Variants in SHPRH observed in about 807,000 individuals in gnomAD.
The protein encoded by SHPRH is E3 ubiquitin-protein ligase SHPRH.
In SHPRH, 106 loss-of-function variants were observed where a neutral mutation model predicts 202.5. The ratio of observed to expected loss-of-function variants is 0.52; its 90% CI spans 0.45 to 0.62. SHPRH has a LOEUF of 0.62. SHPRH is among the 20% of genes least tolerant of loss of function. SHPRH has a pLI of 0.00. For missense variants in SHPRH, 1,710 were observed against 2,020.0 expected (o/e 0.85, Z 2.94); for synonymous variants, 729 against 686.0 (o/e 1.06, Z -0.98).
At position 145,933,176 on chromosome 6, in the gene SHPRH, G is replaced by A. The variant is rs1313681869; in HGVS notation, c.2993C>T (p.Thr998Ile). The A allele has an allele frequency of 6.2e-7, 1 of 1,613,788 alleles. No homozygotes were observed. The highest frequency in any genetic ancestry group is 8.5e-7 in the Non-Finnish European group (1 of 1,179,872). The change falls in exon 14 of 30, where the codon ACC (threonine) becomes ATC (isoleucine). Residue 998 changes from threonine (T) to isoleucine (I), a missense_variant and splice_region_variant. Physicochemically the swap from Thr to Ile is moderately conservative, Grantham distance 89 (BLOSUM62 -1). This residue lies in a region of SHPRH where 23 missense variants were observed against 36.7 expected (regional missense o/e 0.63). Transcript: ENST00000275233. ...RGEFLPLQKSTMTMEELLTSL... is the reference protein window; with the variant it reads ...RGEFLPLQKSIMTMEELLTSL... ...TGTCAGCAGCTCTTCCATTGTCATG[G>A]TGCTAAAAGAAAAGGTAGACTGTTC...
chr6:145,927,146 AAAAC>A (rs756751658), intron 15 of SHPRH, 39 bp downstream of exon 15: 5 of 1,563,472 alleles, frequency 3.2e-6, no homozygotes, highest in Admixed American at 1.7e-5. Flanking sequence ...TTTTGTTAAA[AAAAC>A]AAACAGAATA....
intron 3 of SHPRH, chr6:145,951,900 C>T (rs1298624201): frequency 2.2e-6 from 1 of 455,852 alleles, no homozygotes; most frequent in Admixed American, 2.3e-5. Context: ...TCTGAATCTG[C>T]AGTCCTGACC....
intron 2 of SHPRH, among the ~76,000 whole-genome samples, chr6:145,867,816 C>T (rs1331542896): frequency 6.6e-6 from 1 of 151,626 alleles, no homozygotes; most frequent in African/African-American, 2.4e-5. Context: ...TTTCTGCTCT[C>T]CAGAACTGAG....
In SHPRH at chr6:145,894,926, G is replaced by A; in HGVS notation, c.4567C>T (p.Gln1523Ter). ...GCTTTGGCCCCTGGATCTCTAAGCT[G>A]TATTTTCATCAGAGTTCTGACCACA... is the stretch of plus-strand genomic sequence containing the variant. ...EAVVRTLMKI[Q>*]LRDPGAKALV... The change falls in exon 26 of 30, where the codon CAG becomes TAG. Residue 1523 changes from glutamine to a stop codon, truncating the protein, a stop_gained. Coordinates refer to ENST00000275233, the MANE Select transcript of SHPRH (RefSeq NM_001042683.3). LOFTEE classifies it high-confidence loss of function. 2 of 1,612,996 alleles carry A rather than the reference G, an allele frequency of 1.2e-6. No homozygotes were observed. Among genetic ancestry groups the A allele is most frequent in the Non-Finnish European group, 1.7e-6 (2 of 1,179,292 alleles).
intron 1 of SHPRH, among the ~76,000 whole-genome samples, chr6:145,962,394 TTACTC>T (rs1789181775): frequency 6.6e-6 from 1 of 152,214 alleles, no homozygotes. Context: ...TAACGATACT[TTACTC>T]TTATTTCTTT....
downstream of SHPRH, chr6:145,862,518 G>C (rs1220288518): frequency 6.5e-6 from 1 of 153,400 alleles, no homozygotes; most frequent in East Asian, 1.9e-4. Flanking sequence ...AACTTTTGGA[G>C]GTGTTGGTTA....
intron 1 of SHPRH, among the ~76,000 whole-genome samples, chr6:145,961,605 G>A (rs1283546593): frequency 6.6e-6 from 1 of 152,168 alleles, no homozygotes; most frequent in Admixed American, 6.5e-5. Flanking sequence ...AACCTATCCA[G>A]TATCTTTTAA....
intron 18 of SHPRH, 112 bp from the exon 19 acceptor site, chr6:145,922,948 T>TG (rs1784551686): frequency 1.6e-6 from 2 of 1,256,610 alleles, no homozygotes; most frequent in South Asian, 1.9e-5. Context: ...GTTTGCTGTT[T>TG]TTTTTTTTTT....
intron 23 of SHPRH, among the ~76,000 whole-genome samples, chr6:145,914,588 A>C (rs542549164): frequency 1.3e-5 from 2 of 152,262 alleles, no homozygotes; most frequent in African/African-American, 4.8e-5. Context: ...AGCGGGCTGA[A>C]TTTTTCCCAT....
intron 14 of SHPRH, among the ~76,000 whole-genome samples, chr6:145,930,853 T>A (rs547633316): frequency 1.3e-5 from 2 of 152,228 alleles, no homozygotes; most frequent in Non-Finnish European, 2.9e-5. Context: ...TTTCTCGTTA[T>A]AATTCTATCA....
chr6:145,943,855 T>C lies in SHPRH; in HGVS notation c.1579-53A>G, dbSNP rs1284437674. 22 of 1,460,462 alleles carry C rather than the reference T, an allele frequency of 1.5e-5. No individual in the cohort carries two copies. In the Admixed American group the frequency reaches 4.1e-4, roughly 27 times the overall value. 90.5% of individuals were successfully genotyped at this position (1,460,462 alleles called of 1,614,324 possible). ...TTGCAACTAGTTGCATTTCTGAAAT[T>C]AAACTCCTGACTTTATGTAAGTACT... On this transcript the variant is annotated intron_variant, in intron 8 of 29. Coordinates refer to ENST00000275233, the MANE Select transcript of SHPRH (RefSeq NM_001042683.3).
intron 28 of SHPRH, among the ~76,000 whole-genome samples, chr6:145,890,511 G>C (rs1466263360): frequency 6.6e-6 from 1 of 152,092 alleles, no homozygotes. Flanking sequence ...GGACACTCCT[G>C]TCTTCTGGTT....
chr6:145,879,570 G>T (rs1780458251), intron 2 of SHPRH, among the ~76,000 whole-genome samples: 1 of 151,934 alleles, frequency 6.6e-6, no homozygotes, highest in Non-Finnish European at 1.5e-5. Context: ...TTTTCTCATG[G>T]ATAATCAAAA....
chr6:145,926,204 C>T lies in SHPRH; in HGVS notation c.3294G>A (p.Glu1098=). The change falls in exon 16 of 30, where the codon GAG becomes GAA. Residue 1098 remains glutamate, a splice_region_variant and synonymous_variant. Coordinates refer to ENST00000275233, the MANE Select transcript of SHPRH (RefSeq NM_001042683.3). The part of the protein sequence containing the change: ...PTLRDGRLEE[E]AKQLREHYMS... ...TAGACAGAATGAAAAAAATAATTACCTCTTCCTCAAGTCGGCCATCACGCA... is the reference window on the plus strand; with the variant it reads ...TAGACAGAATGAAAAAAATAATTACTTCTTCCTCAAGTCGGCCATCACGCA... The T allele has an allele frequency of 6.2e-7, 1 of 1,612,106 alleles. No individual in the cohort carries two copies.
intron 2 of SHPRH, among the ~76,000 whole-genome samples, chr6:145,870,256 C>A (rs1191466807): frequency 7.2e-6 from 1 of 138,660 alleles, no homozygotes; most frequent in African/African-American, 2.7e-5. Context: ...TCAATCGTTT[C>A]AGATTTTTTT....
Position 145,888,010 on chromosome 6 carries a change from T to G in SHPRH, c.4955+10A>C. The G allele has an allele frequency of 6.2e-7, 1 of 1,601,572 alleles. No individual in the cohort carries two copies. Among genetic ancestry groups the G allele is most frequent in the Non-Finnish European group, 8.6e-7 (1 of 1,169,288 alleles). ...CTTCCCCCTTCTACTTGTGGTAAATTATTACCTACCTTCTCTCAGCAGTTT... is the reference window on the plus strand; with the variant it reads ...CTTCCCCCTTCTACTTGTGGTAAATGATTACCTACCTTCTCTCAGCAGTTT... On this transcript the variant is annotated intron_variant, in intron 29 of 29. Coordinates refer to ENST00000275233, the MANE Select transcript of SHPRH (RefSeq NM_001042683.3).
intron 4 of SHPRH, among the ~76,000 whole-genome samples, chr6:145,949,846 C>T (rs934246924): frequency 6.6e-6 from 1 of 152,094 alleles, no homozygotes; most frequent in African/African-American, 2.4e-5. Flanking sequence ...TAGGAAAATT[C>T]ATCACACATA....
chr6:145,900,353 C>T (rs1311885606), intron 25 of SHPRH, among the ~76,000 whole-genome samples: 1 of 152,086 alleles, frequency 6.6e-6, no homozygotes, highest in South Asian at 2.1e-4. Context: ...GGTGAGATAA[C>T]ATCTATGTAC....
At chr6:145,858,981 G>T in the SHPRH span, among the ~76,000 whole-genome samples, 2 of 151,928 alleles carry the variant, frequency 1.3e-5, no homozygotes, top group Non-Finnish European at 2.9e-5. Context: ...TCATTAGTCT[G>T]TATTTTTATG....
Sources: gnomAD v4.1 joint callset for allele counts (sites outside exome capture counted in the v4.1 genomes callset) on GRCh38, gnomAD v4.1.1 for gene constraint, gnomAD v4.1.1 regional missense constraint, MANE v1.5 for transcripts, NCBI Gene and HGNC (gene_info 2026-07-23, HGNC 2026-07-21) for gene names.